Variants in PARD3 observed in about 807,000 individuals in gnomAD.
PARD3 encodes the protein partitioning defective 3 homolog.
PARD3 carries 75 observed loss-of-function variants against 155.4 expected under a neutral mutation model. The observed-to-expected ratio is 0.48, with a 90% CI of 0.40 to 0.58. The LOEUF (loss-of-function observed/expected upper bound fraction) is 0.58. Ranked by LOEUF, PARD3 falls within the 20% of genes least tolerant of loss-of-function variation. The pLI is 0.00. For missense variants in PARD3, 1,642 were observed against 1,721.7 expected (o/e 0.95, Z 0.82); for synonymous variants, 576 against 610.5 (o/e 0.94, Z 0.83).
intron 2 of PARD3, among the ~76,000 whole-genome samples, chr10:34,536,957 C>T (rs1313140663): frequency 1.3e-5 from 2 of 152,154 alleles, no homozygotes; most frequent in Non-Finnish European, 2.9e-5. Context: ...CAGTGATAAA[C>T]TTAATTGGGG....
At chr10:34,368,003 A>C (rs2134582923) in intron 12 of PARD3, among the ~76,000 whole-genome samples, 1 of 152,298 alleles carries the variant, frequency 6.6e-6, no homozygotes. Flanking sequence ...CTGTAGTCTC[A>C]GCACTTTGGA....
chr10:34,205,399 C>T (rs1951423339), intron 22 of PARD3, among the ~76,000 whole-genome samples: 1 of 152,112 alleles, frequency 6.6e-6, no homozygotes, highest in African/African-American at 2.4e-5. Context: ...AAAATGTTTT[C>T]ATGCGTTAGA....
chr10:34,551,505 C>T (rs2084558875), intron 2 of PARD3, among the ~76,000 whole-genome samples: 1 of 152,216 alleles, frequency 6.6e-6, no homozygotes, highest in Admixed American at 6.5e-5. Flanking sequence ...ACCTTTGATT[C>T]CAATTGCAAC....
chr10:34,258,386 G>T (rs1419909363), intron 22 of PARD3, among the ~76,000 whole-genome samples: 1 of 152,186 alleles, frequency 6.6e-6, no homozygotes, highest in Admixed American at 6.5e-5. Context: ...CTTTGTCTCT[G>T]ACTGTTATCG....
At chr10:34,535,649 T>A (rs2133837662) in intron 2 of PARD3, among the ~76,000 whole-genome samples, 1 of 152,196 alleles carries the variant, frequency 6.6e-6, no homozygotes, top group Admixed American at 6.5e-5. Context: ...CTAATTTTTG[T>A]ATTTTTAGTA....
chr10:34,624,272 G>T (rs912829720), intron 2 of PARD3, among the ~76,000 whole-genome samples: 2 of 152,142 alleles, frequency 1.3e-5, no homozygotes, highest in African/African-American at 2.4e-5. Flanking sequence ...GTAGCAGTTG[G>T]AATAGAAGCA....
intron 21 of PARD3, 83 bp downstream of exon 21, chr10:34,284,052 T>G: frequency 2.5e-6 from 2 of 801,108 alleles, no homozygotes; most frequent in Non-Finnish European, 4.1e-6. Context: ...ATGTAAAATC[T>G]TTACATTAAA....
intron 5 of PARD3, among the ~76,000 whole-genome samples, chr10:34,420,860 T>A (rs1564693958): frequency 6.6e-6 from 1 of 152,236 alleles, no homozygotes; most frequent in African/African-American, 2.4e-5. Context: ...CAAAATTTAA[T>A]AATCTTCAAT....
chr10:34,766,446 T>C (rs918474088), intron 1 of PARD3, among the ~76,000 whole-genome samples: 1 of 152,172 alleles, frequency 6.6e-6, no homozygotes, highest in Non-Finnish European at 1.5e-5. Flanking sequence ...GTGTCAAATC[T>C]GACTCCTAAT....
chr10:34,747,827 C>T (rs1323341249), intron 1 of PARD3, among the ~76,000 whole-genome samples: 1 of 152,240 alleles, frequency 6.6e-6, no homozygotes. Flanking sequence ...GCAGACACTG[C>T]AACTGGCTGA....
Position 34,677,478 on chromosome 10 carries a change from T to A in PARD3, c.222+18840A>T, listed in dbSNP as rs566964098. 9.7e-3 allele frequency among the ~76,000 whole-genome samples: 1,376 copies of A among 142,422 alleles called. 9 individuals carry two copies. The highest frequency in any genetic ancestry group is 0.014 in the Non-Finnish European group (923 of 65,886). 93.4% of individuals were successfully genotyped at this position (142,422 alleles called of 152,430 possible). A position where few individuals can be genotyped will look rare whatever the true frequency, so the allele number is the denominator to read the frequency against. ...CTGGGCAACAGATCTAGACTCTGTC[T>A]CAAAAAAAAAAAAAAGAAAAGAAAC... On this transcript the variant is annotated intron_variant, in intron 2 of 24. Transcript: ENST00000374788.
chr10:34,221,383 CTTGCCTTTTTTT>C lies in PARD3; in HGVS notation c.3419+48262_3419+48273del, dbSNP rs201855450. 1.2e-4 allele frequency among the ~76,000 whole-genome samples: 15 copies of C among 129,870 alleles called. No homozygotes were observed. In the East Asian group the frequency reaches 2.8e-3, roughly 25 times the overall value. 85.2% of individuals were successfully genotyped at this position (129,870 alleles called of 152,430 possible). On this transcript the variant is annotated intron_variant, in intron 22 of 24. Coordinates refer to ENST00000374788, the MANE Select transcript of PARD3 (RefSeq NM_001184785.2). Reference sequence around the variant, plus strand: ...CCACTCTTTTCCATTCAAACCAGGACTTGCCTTTTTTTTTTTTTTTTTTGATAAGTAAAAATT... The same window carrying C: ...CCACTCTTTTCCATTCAAACCAGGACTTTTTTTTTTTGATAAGTAAAAATT...
chr10:34,576,862 A>G (rs1342220824), intron 2 of PARD3, among the ~76,000 whole-genome samples: 1 of 152,234 alleles, frequency 6.6e-6, no homozygotes, highest in Admixed American at 6.5e-5. Flanking sequence ...TAAAAATGAA[A>G]GGAAATCTGG....
chr10:34,809,114 A>G (rs555582993), intron 1 of PARD3, among the ~76,000 whole-genome samples: 1 of 152,224 alleles, frequency 6.6e-6, no homozygotes, highest in Non-Finnish European at 1.5e-5. Flanking sequence ...ATTAAATCTT[A>G]GTTTCCATTA....
chr10:34,529,046 A>C (rs2082661187), intron 2 of PARD3, among the ~76,000 whole-genome samples: 1 of 152,212 alleles, frequency 6.6e-6, no homozygotes. Flanking sequence ...GGACAAACAA[A>C]AACAAAAGAT....
chr10:34,787,331 A>G (rs1310784480), intron 1 of PARD3, among the ~76,000 whole-genome samples: 1 of 152,240 alleles, frequency 6.6e-6, no homozygotes, highest in Non-Finnish European at 1.5e-5. Flanking sequence ...GTGAGCCAAG[A>G]TCGCGCCACT....
chr10:34,341,275 A>C (rs940530106), intron 16 of PARD3, among the ~76,000 whole-genome samples: 1 of 152,074 alleles, frequency 6.6e-6, no homozygotes, highest in African/African-American at 2.4e-5. Context: ...AATTGTTGCC[A>C]TCAATTTAGG....
chr10:34,276,834 A>C (rs1354234575), intron 21 of PARD3, among the ~76,000 whole-genome samples: 1 of 152,154 alleles, frequency 6.6e-6, no homozygotes, highest in African/African-American at 2.4e-5. Context: ...GCTGCAACAC[A>C]TCTCTTTTTA....
At chr10:34,522,784 T>C (rs909044912) in intron 2 of PARD3, among the ~76,000 whole-genome samples, 3 of 152,200 alleles carry the variant, frequency 2.0e-5, no homozygotes, top group African/African-American at 7.2e-5. Context: ...AAGTCGTTTT[T>C]ATTATTTCAC....
Sources: allele counts gnomAD v4.1 joint callset (sites outside exome capture counted in the v4.1 genomes callset), GRCh38; gene constraint gnomAD v4.1.1; transcripts MANE v1.5; gene names NCBI Gene and HGNC (gene_info 2026-07-23, HGNC 2026-07-21).